The following ZSCAN10 variants were observed in gnomAD, a reference collection of about 807,000 sequenced individuals.
The protein encoded by ZSCAN10 is zinc finger and SCAN domain containing 10.
In ZSCAN10, 52 loss-of-function variants were observed where a neutral mutation model predicts 63.7. That is an observed-to-expected ratio of 0.82 (90% CI 0.65 to 1.03). The LOEUF (loss-of-function observed/expected upper bound fraction) is 1.03, where lower values mean the gene tolerates loss of function less well. Ranked by LOEUF, ZSCAN10 falls within the 50% of genes least tolerant of loss-of-function variation. ZSCAN10 has a pLI of 0.00. For missense variants in ZSCAN10, 1,223 were observed against 1,103.8 expected (o/e 1.11, Z -1.53); for synonymous variants, 544 against 479.6 (o/e 1.13, Z -1.76).
At chr16:3,095,660 C>A (rs935114235) in intron 1 of ZSCAN10, among the ~76,000 whole-genome samples, 5 of 151,790 alleles carry the variant, frequency 3.3e-5, no homozygotes, top group Admixed American at 2.0e-4. Flanking sequence ...AACCCCGTCT[C>A]TAATAAAAAT....
Position 3,092,998 on chromosome 16 carries a change from C to T in ZSCAN10, c.-61G>A. ...CGCTCTTGGGTCTCTCTCCTCTCCT[C>T]CCACACCTGCGAAGGTGAACACCCT... On this transcript the variant is annotated 5_prime_UTR_variant, in exon 2 of 6. Transcript: ENST00000576985. The T allele has an allele frequency of 7.2e-7, 1 of 1,383,474 alleles. No individual in the cohort carries two copies. Among genetic ancestry groups the T allele is most frequent in the Admixed American group, 3.2e-5 (1 of 31,004 alleles). The allele number at this position is 1,383,474 out of a possible 1,614,324, so 85.7% of individuals were successfully genotyped here. A position where few individuals can be genotyped will look rare whatever the true frequency, so the allele number is the denominator to read the frequency against.
chr16:3,093,071 A>C lies in ZSCAN10; in HGVS notation c.-67-67T>G. The C allele has an allele frequency of 2.5e-6, 3 of 1,209,714 alleles. 1 individual carries two copies. The South Asian group carries it at 8.2e-5, about 33-fold the overall frequency. 74.9% of individuals were successfully genotyped at this position (1,209,714 alleles called of 1,614,324 possible). Reference sequence around the variant, plus strand: ...AGCTGGCCCCATACCTGGGTCATCCATGTTAAAAGACACCCAATACGCAGA... The same window carrying C: ...AGCTGGCCCCATACCTGGGTCATCCCTGTTAAAAGACACCCAATACGCAGA... On this transcript the variant is annotated intron_variant, in intron 1 of 5. Transcript: ENST00000576985.
chr16:3,095,386 G>A (rs944631678), intron 1 of ZSCAN10, among the ~76,000 whole-genome samples: 9 of 151,532 alleles, frequency 5.9e-5, no homozygotes, highest in Middle Eastern at 3.4e-3. Context: ...GGGTGGTGGC[G>A]GGCACCTGTA....
intron 1 of ZSCAN10, among the ~76,000 whole-genome samples, chr16:3,095,708 G>A (rs1957144426): frequency 6.6e-6 from 1 of 151,184 alleles, no homozygotes; most frequent in South Asian, 2.1e-4. Context: ...GGTGCCTGTG[G>A]TCCCAGCTAC....
Position 3,092,274 on chromosome 16 carries a change from C to T in ZSCAN10, c.439G>A (p.Val147Ile), listed in dbSNP as rs753330114. The T allele has an allele frequency of 5.6e-6, 9 of 1,612,530 alleles. No individual in the cohort carries two copies. Among genetic ancestry groups the T allele is most frequent in the East Asian group, 4.5e-5 (2 of 44,882 alleles). The stretch of plus-strand genomic sequence containing the variant: ...GCACACCCCTTTTCCTCCAAGGTGA[C>T]GTCTGCACGGGGACAACTCTTGCCA... ...NAGKSCPRAD[V>I]TLEEKGCASQ... The change falls in exon 3 of 6, where the codon GTC becomes ATC. Residue 147 changes from valine (V) to isoleucine (I), a missense_variant. Transcript: ENST00000576985.
chr16:3,090,673 G>C (rs1957062009), intron 5 of ZSCAN10, 27 bp from the exon 6 acceptor site: 2 of 1,507,998 alleles, frequency 1.3e-6, no homozygotes, highest in Non-Finnish European at 8.8e-7. Context: ...AACAGGGACG[G>C]TCAGGCCTAT....
rs1336733773 is a variant in ZSCAN10 at position 3,092,821 on chromosome 16, C to G, written c.117G>C (p.Arg39Ser). The change falls in exon 2 of 6, where the codon AGG (arginine) becomes AGC (serine). Residue 39 changes from arginine to serine, a missense_variant. Transcript: ENST00000576985. ...EDPRRPESRL[R>S]PEVAHQLFRC... ...TGAACAGCTGGTGAGCCACCTCGGG[C>G]CTCAGCCTGGACTCTGGTCGCCTGG... 1.3e-6 allele frequency: 2 copies of G among 1,518,896 alleles called. No homozygotes were observed. The highest frequency in any genetic ancestry group is 8.9e-7 in the Non-Finnish European group (1 of 1,129,088). 94.1% of individuals were successfully genotyped at this position (1,518,896 alleles called of 1,614,324 possible). A position where few individuals can be genotyped will look rare whatever the true frequency, so the allele number is the denominator to read the frequency against.
chr16:3,091,937 G>C, intron 3 of ZSCAN10, 109 bp from the exon 4 acceptor site: 1 of 1,592,920 alleles, frequency 6.3e-7, no homozygotes, highest in Non-Finnish European at 8.6e-7. Flanking sequence ...AAGACACCTT[G>C]GCGCTCTCCT....
intron 2 of ZSCAN10, 60 bp downstream of exon 2, chr16:3,092,482 C>T (rs1002807936): frequency 1.4e-6 from 2 of 1,454,654 alleles, no homozygotes; most frequent in Non-Finnish European, 1.8e-6. Flanking sequence ...AGATTCCTCA[C>T]TGGGGGGATC....
chr16:3,096,649 C>A (rs946828476), intron 1 of ZSCAN10, among the ~76,000 whole-genome samples: 1 of 152,258 alleles, frequency 6.6e-6, no homozygotes, highest in Admixed American at 6.5e-5. Context: ...ACCCAGTGGC[C>A]GAGTGCAGTG....
chr16:3,094,766 G>C (rs1957133539), intron 1 of ZSCAN10, among the ~76,000 whole-genome samples: 1 of 152,018 alleles, frequency 6.6e-6, no homozygotes, highest in Non-Finnish European at 1.5e-5. Flanking sequence ...GTAAGTGCCT[G>C]TAGGAGGCGC....
chr16:3,095,827 CAA>C (rs34598827), intron 1 of ZSCAN10, among the ~76,000 whole-genome samples: 16 of 118,638 alleles, frequency 1.3e-4, no homozygotes, highest in Non-Finnish European at 1.6e-4. Flanking sequence ...GACTCCATCT[CAA>C]AAAAAAAAAA....
rs1336402415 is a variant in ZSCAN10, at chr16:3,088,938, G to A, written c.*153C>T. 1 of 1,344,668 alleles carries A rather than the reference G, an allele frequency of 7.4e-7. No individual in the cohort carries two copies. Among genetic ancestry groups the A allele is most frequent in the Non-Finnish European group, 9.6e-7 (1 of 1,046,328 alleles). 83.3% of individuals were successfully genotyped at this position (1,344,668 alleles called of 1,614,324 possible). A position where few individuals can be genotyped will look rare whatever the true frequency, so the allele number is the denominator to read the frequency against. On this transcript the variant is annotated 3_prime_UTR_variant, in exon 6 of 6. Coordinates refer to ENST00000576985, the MANE Select transcript of ZSCAN10 (RefSeq NM_032805.3). ...CGGGCGTTTTAATTACATAGCTGAG[G>A]CCAGAAAGCAATGCCTCGGCCAGGG...
In ZSCAN10 at chr16:3,089,402, C is replaced by G; in HGVS notation, c.2032G>C (p.Ala678Pro). Reference sequence around the variant, plus strand: ...CCCGTGTGGCTGCGGCGATGGCGGGCCAGGTTGGAGCTATTGCGGAAACGG... The same window carrying G: ...CCCGTGTGGCTGCGGCGATGGCGGGGCAGGTTGGAGCTATTGCGGAAACGG... ...GHRFRNSSNL[A>P]RHRRSHTGER... The change falls in exon 6 of 6, where the codon GCC becomes CCC. Residue 678 changes from alanine to proline, a missense_variant. By Grantham distance (27) the Ala-to-Pro change is conservative (BLOSUM62 -1). Transcript: ENST00000576985. The G allele has an allele frequency of 6.2e-7, 1 of 1,604,784 alleles. No homozygotes were observed. The highest frequency in any genetic ancestry group is 8.5e-7 in the Non-Finnish European group (1 of 1,178,652).
rs938090941 is a variant in ZSCAN10 at position 3,092,857 on chromosome 16, G to C, written c.81C>G (p.Ser27Arg). 25 of 1,457,144 alleles carry C rather than the reference G, an allele frequency of 1.7e-5. No homozygotes were observed. The highest frequency in any genetic ancestry group is 2.2e-5 in the Non-Finnish European group (24 of 1,101,568). 90.3% of individuals were successfully genotyped at this position (1,457,144 alleles called of 1,614,324 possible). Residue 27 changes from serine (S) to arginine (R), a missense_variant, in exon 2 of 6, where the codon AGC becomes AGG. By Grantham distance (110) the Ser-to-Arg change is moderately radical. Transcript: ENST00000576985. ...ACTCTGGTCGCCTGGGGTCCTCTGG[G>C]CTGACAGCCTCCTCCTCCTCCAGCT... ...EVKLEEEEAV[S>R]PEDPRRPESR...
chr16:3,089,391 G>A lies in ZSCAN10; in HGVS notation c.2043C>T (p.Arg681=). The part of the protein sequence containing the change: ...FRNSSNLARH[R]RSHTGERPYS... ...AGGGCCGCTCGCCCGTGTGGCTGCGGCGATGGCGGGCCAGGTTGGAGCTAT... is the reference window on the plus strand; with the variant it reads ...AGGGCCGCTCGCCCGTGTGGCTGCGACGATGGCGGGCCAGGTTGGAGCTAT... The change falls in exon 6 of 6, where the codon CGC becomes CGT. Residue 681 remains arginine (R), a synonymous_variant. Transcript: ENST00000576985. 2 of 1,592,246 alleles carry A rather than the reference G, an allele frequency of 1.3e-6. No homozygotes were observed. Among genetic ancestry groups the A allele is most frequent in the East Asian group, 2.3e-5 (1 of 43,404 alleles).
rs367777551 is a variant in ZSCAN10, at chr16:3,092,964, C to T, written c.-27G>A. On this transcript the variant is annotated 5_prime_UTR_variant, in exon 2 of 6. Coordinates refer to ENST00000576985, the MANE Select transcript of ZSCAN10 (RefSeq NM_032805.3). ...CTTCACTGCGGGGATGCCTCCCTAA[C>T]GCCAGCCCCGCTCTTGGGTCTCTCT... is the stretch of plus-strand genomic sequence containing the variant. 1.3e-4 allele frequency: 177 copies of T among 1,405,796 alleles called. No individual in the cohort carries two copies. Among genetic ancestry groups the T allele is most frequent in the African/African-American group, 3.8e-4 (26 of 68,698 alleles). 87.1% of individuals were successfully genotyped at this position (1,405,796 alleles called of 1,614,324 possible). A position where few individuals can be genotyped will look rare whatever the true frequency, so the allele number is the denominator to read the frequency against.
chr16:3,090,971 G>A (rs1011450658), intron 5 of ZSCAN10, among the ~76,000 whole-genome samples: 2 of 152,078 alleles, frequency 1.3e-5, no homozygotes, highest in Admixed American at 1.3e-4. Context: ...TCGGGAGGCT[G>A]AGGCAGGAGA....
At chr16:3,091,455 C>A in intron 5 of ZSCAN10, 85 bp downstream of exon 5, 3 of 1,472,874 alleles carry the variant, frequency 2.0e-6, no homozygotes, top group Non-Finnish European at 2.8e-6. Flanking sequence ...CTAGCCTGGG[C>A]AACATAGCGA....
Sources: gnomAD v4.1 joint callset for allele counts (sites outside exome capture counted in the v4.1 genomes callset) on GRCh38, gnomAD v4.1.1 for gene constraint, MANE v1.5 for transcripts, NCBI Gene and HGNC (gene_info 2026-07-23, HGNC 2026-07-21) for gene names.